KHDRBS2: variants seen among roughly 807,000 people sequenced by gnomAD.
KHDRBS2 encodes KH RNA binding domain containing, signal transduction associated 2, also known as KH domain-containing, RNA-binding, signal transduction-associated protein 2.
KHDRBS2 carries 26 observed loss-of-function variants against 44.3 expected under a neutral mutation model. The observed-to-expected ratio is 0.59, with a 90% CI of 0.43 to 0.81. KHDRBS2 has a LOEUF of 0.81. Among genes scored for constraint, KHDRBS2 ranks in the 40% least tolerant of loss-of-function variants. The pLI is 0.00. For synonymous variants in KHDRBS2, 194 were observed against 151.1 expected (o/e 1.28, Z -2.08); for missense variants, 476 against 433.1 (o/e 1.10, Z -0.88).
At chr6:61,886,967 A>G (rs2127323941) in intron 6 of KHDRBS2, among the ~76,000 whole-genome samples, 1 of 152,230 alleles carries the variant, frequency 6.6e-6, no homozygotes, top group African/African-American at 2.4e-5. Context: ...TGCTGAGGGG[A>G]CTAAAACACT....
intron 4 of KHDRBS2, among the ~76,000 whole-genome samples, chr6:61,972,410 GT>G (rs1771617722): frequency 6.6e-6 from 1 of 152,100 alleles, no homozygotes; most frequent in Admixed American, 6.5e-5. Context: ...TATTATCATA[GT>G]GCTATAGCAC....
chr6:61,978,775 G>T (rs1304129741), intron 3 of KHDRBS2, among the ~76,000 whole-genome samples: 6 of 152,054 alleles, frequency 3.9e-5, no homozygotes, highest in African/African-American at 1.4e-4. Flanking sequence ...TCTATCGCTT[G>T]CTGCCTTTAT....
At chr6:61,659,936 T>G in the KHDRBS2 span, among the ~76,000 whole-genome samples, 1 of 151,824 alleles carries the variant, frequency 6.6e-6, no homozygotes, top group Non-Finnish European at 1.5e-5. Context: ...CACTGGGTTA[T>G]TATGAAGAAT....
chr6:62,007,508 C>T (rs754079640), intron 3 of KHDRBS2, among the ~76,000 whole-genome samples: 8 of 151,908 alleles, frequency 5.3e-5, no homozygotes, highest in Admixed American at 1.3e-4. Flanking sequence ...ACACAGACCA[C>T]ATTTTTATTT....
intron 3 of KHDRBS2, among the ~76,000 whole-genome samples, chr6:62,026,598 A>C (rs553558745): frequency 3.1e-4 from 47 of 151,640 alleles, no homozygotes; most frequent in African/African-American, 1.1e-3. Flanking sequence ...GTGCTTGGTT[A>C]ACTTTTTTTT....
At chr6:61,635,344 G>A in the KHDRBS2 span, among the ~76,000 whole-genome samples, 3 of 151,950 alleles carry the variant, frequency 2.0e-5, no homozygotes, top group Non-Finnish European at 2.9e-5. Context: ...GGGAAGTGAT[G>A]ACTGGTCTGT....
intron 6 of KHDRBS2, among the ~76,000 whole-genome samples, chr6:61,849,689 T>C (rs1795165857): frequency 1.3e-5 from 2 of 151,834 alleles, no homozygotes; most frequent in Non-Finnish European, 2.9e-5. Context: ...GAGCTTTCCA[T>C]GAGATTCATA....
At chr6:62,026,822 A>G (rs1473353980) in intron 3 of KHDRBS2, among the ~76,000 whole-genome samples, 2 of 152,122 alleles carry the variant, frequency 1.3e-5, no homozygotes, top group African/African-American at 4.8e-5. Context: ...GGCAAAAGCC[A>G]TTGGTGAGGT....
At chr6:62,206,813 C>T (rs989993577) in intron 1 of KHDRBS2, among the ~76,000 whole-genome samples, 3 of 151,974 alleles carry the variant, frequency 2.0e-5, no homozygotes, top group African/African-American at 7.2e-5. Flanking sequence ...GAACTGGGGA[C>T]AGAAGCTAAA....
At chr6:61,850,871 A>C (rs1193336064) in intron 6 of KHDRBS2, among the ~76,000 whole-genome samples, 2 of 152,260 alleles carry the variant, frequency 1.3e-5, no homozygotes, top group East Asian at 3.9e-4. Flanking sequence ...TCTCCCAAAT[A>C]ATTGCTGTCA....
chr6:61,675,778 G>T (rs1399599794), downstream of KHDRBS2, among the ~76,000 whole-genome samples: 2 of 151,646 alleles, frequency 1.3e-5, no homozygotes, highest in African/African-American at 4.8e-5. Context: ...TAGTCTGATT[G>T]TCTAGTTTTT....
chr6:62,020,085 G>A (rs1781975448), intron 3 of KHDRBS2, among the ~76,000 whole-genome samples: 1 of 151,770 alleles, frequency 6.6e-6, no homozygotes, highest in Admixed American at 6.6e-5. Context: ...ATTTGATTTA[G>A]TGGCATTTAT....
chr6:62,222,879 T>C (rs1831134628), intron 1 of KHDRBS2, among the ~76,000 whole-genome samples: 1 of 152,222 alleles, frequency 6.6e-6, no homozygotes, highest in Non-Finnish European at 1.5e-5. Context: ...GCTCCACCCC[T>C]GTGGCTTTGC....
At chr6:61,862,511 G>A (rs550425) in intron 6 of KHDRBS2, among the ~76,000 whole-genome samples, 87,218 of 151,864 alleles carry the variant, frequency 0.57, 25,223 homozygotes, top group South Asian at 0.68. Flanking sequence ...CTAGTTAATT[G>A]AGAACACTTA....
chr6:61,585,945 G>A, the KHDRBS2 span, among the ~76,000 whole-genome samples: 1 of 152,080 alleles, frequency 6.6e-6, no homozygotes, highest in African/African-American at 2.4e-5. Context: ...TGCTTATCAT[G>A]AATGAGAAAG....
chr6:61,967,152 G>T (rs1469200443), intron 4 of KHDRBS2, among the ~76,000 whole-genome samples: 3 of 148,212 alleles, frequency 2.0e-5, no homozygotes, highest in African/African-American at 7.5e-5. Flanking sequence ...TTACAATTGT[G>T]TGCCATGTTT....
chr6:62,136,131 T>C (rs1394371638), intron 2 of KHDRBS2, among the ~76,000 whole-genome samples: 1 of 152,058 alleles, frequency 6.6e-6, no homozygotes, highest in Non-Finnish European at 1.5e-5. Flanking sequence ...TACTTGACTG[T>C]AGTAACCACT....
At chr6:62,122,615 A>T (rs1371436096) in intron 2 of KHDRBS2, among the ~76,000 whole-genome samples, 3 of 152,090 alleles carry the variant, frequency 2.0e-5, no homozygotes. Context: ...CAGCCTCATG[A>T]GGAGTTCCCT....
At chr6:61,737,857 T>C (rs1775615155) in intron 6 of KHDRBS2, among the ~76,000 whole-genome samples, 1 of 151,972 alleles carries the variant, frequency 6.6e-6, no homozygotes, top group Non-Finnish European at 1.5e-5. Context: ...CCAATAAAGT[T>C]GTAGAAAAAG....
Sources: gnomAD v4.1 joint callset for allele counts (sites outside exome capture counted in the v4.1 genomes callset) on GRCh38, gnomAD v4.1.1 for gene constraint, MANE v1.5 for transcripts, NCBI Gene and HGNC (gene_info 2026-07-23, HGNC 2026-07-21) for gene names.